ABCA13: variants seen among roughly 807,000 people sequenced by gnomAD.
ABCA13 encodes the protein ATP-binding cassette sub-family A member 13.
Under a neutral mutation model 478.7 loss-of-function variants are expected in ABCA13, and 476 were observed. The ratio of observed to expected loss-of-function variants is 0.99; its 90% CI spans 0.92 to 1.07. The LOEUF is 1.07. Ranked by LOEUF, ABCA13 falls within the 50% of genes least tolerant of loss-of-function variation. The probability of loss-of-function intolerance (pLI) is 0.00; values close to 1 mark genes in which losing one functional copy is unlikely to be tolerated. For missense variants in ABCA13, 6,060 were observed against 5,910.6 expected (o/e 1.03, Z -0.83); for synonymous variants, 2,252 against 2,158.9 (o/e 1.04, Z -1.20).
intron 59 of ABCA13, among the ~76,000 whole-genome samples, chr7:48,632,427 A>T (rs1794243873): frequency 6.6e-6 from 1 of 152,088 alleles, no homozygotes. Flanking sequence ...GATGATACTT[A>T]ATTAATCTTT....
chr7:48,231,920 C>T (rs1789151590), intron 7 of ABCA13, among the ~76,000 whole-genome samples: 1 of 152,084 alleles, frequency 6.6e-6, no homozygotes, highest in Non-Finnish European at 1.5e-5. Context: ...CCTCGGCCTC[C>T]CAAAGTGCTG....
intron 31 of ABCA13, among the ~76,000 whole-genome samples, chr7:48,353,991 A>T (rs1000256598): frequency 1.3e-5 from 2 of 152,024 alleles, no homozygotes; most frequent in East Asian, 1.9e-4. Flanking sequence ...CTCCTAAAGC[A>T]TGTTTCTTGG....
chr7:48,295,923 A>G, intron 21 of ABCA13, 60 bp downstream of exon 21: 4 of 1,507,058 alleles, frequency 2.7e-6, no homozygotes, highest in Non-Finnish European at 3.5e-6. Flanking sequence ...GAGGATGTCT[A>G]GGACTCTTTA....
intron 31 of ABCA13, among the ~76,000 whole-genome samples, chr7:48,353,831 G>C (rs80031271): frequency 6.6e-6 from 1 of 152,084 alleles, no homozygotes; most frequent in Admixed American, 6.5e-5. Flanking sequence ...GGAAGAAAGA[G>C]ACTAAGGCGA....
rs188932521 is a variant in ABCA13, at chr7:48,498,294, G to A, written c.13292-8042G>A. On this transcript the variant is annotated intron_variant, in intron 48 of 61. Transcript: ENST00000435803. ...TTCTTTTGTTAGACCACTCTTTTCC[G>A]GGTCCTTGGGTTTTTTATTTTTGGG... 5.6e-4 allele frequency among the ~76,000 whole-genome samples: 85 copies of A among 152,228 alleles called. 1 individual carries two copies. The highest frequency in any genetic ancestry group is 3.6e-3 in the Admixed American group (55 of 15,292).
intron 52 of ABCA13, 21 bp downstream of exon 52, chr7:48,516,902 A>C (rs1296408318): frequency 6.2e-7 from 1 of 1,609,700 alleles, no homozygotes; most frequent in Admixed American, 1.7e-5. Context: ...TTGTAGCATC[A>C]CCTCTACACT....
intron 48 of ABCA13, among the ~76,000 whole-genome samples, chr7:48,504,404 G>T (rs1480360650): frequency 3.9e-5 from 6 of 152,158 alleles, no homozygotes; most frequent in Non-Finnish European, 2.9e-5. Flanking sequence ...GGCACTGCGA[G>T]GATGGAGTTC....
intron 57 of ABCA13, among the ~76,000 whole-genome samples, chr7:48,589,567 T>G (rs1020217094): frequency 2.6e-5 from 4 of 152,222 alleles, no homozygotes; most frequent in Admixed American, 2.6e-4. Context: ...CCCCTGTATG[T>G]GATGAGAACA....
At position 48,272,909 on chromosome 7, in the gene ABCA13, A is replaced by G. The variant is rs1795812374; in HGVS notation, c.3243A>G (p.Gln1081=). 4 of 1,612,004 alleles carry G rather than the reference A, an allele frequency of 2.5e-6. No individual in the cohort carries two copies. The highest frequency in any genetic ancestry group is 2.2e-5 in the East Asian group (1 of 44,830). Residue 1081 remains glutamine (Q), a synonymous_variant, in exon 17 of 62, where the codon CAA becomes CAG. Coordinates refer to ENST00000435803, the MANE Select transcript of ABCA13 (RefSeq NM_152701.5). ...AAGATTTTCGTATTTCTTTATTTCA[A>G]TATATGAGCCAATTCTTCAACAGTT... is the stretch of plus-strand genomic sequence containing the variant. ...IDEDFRISLF[Q]YMSQFFNSSV... is the part of the protein sequence containing the mutation.
At chr7:48,501,999 G>A (rs779998171) in intron 48 of ABCA13, among the ~76,000 whole-genome samples, 1 of 152,172 alleles carries the variant, frequency 6.6e-6, no homozygotes, top group Non-Finnish European at 1.5e-5. Flanking sequence ...ACAAGGGCCT[G>A]TCCAAGCTAG....
chr7:48,555,676 C>G (rs1037441356), intron 55 of ABCA13, among the ~76,000 whole-genome samples: 2 of 151,656 alleles, frequency 1.3e-5, no homozygotes, highest in African/African-American at 4.8e-5. Context: ...CCTTTTTCAT[C>G]TCTGATTTTA....
At chr7:48,408,140 T>C (rs964159483) in intron 39 of ABCA13, among the ~76,000 whole-genome samples, 4 of 152,250 alleles carry the variant, frequency 2.6e-5, no homozygotes, top group African/African-American at 9.6e-5. Flanking sequence ...TATTACTAAC[T>C]GTAGTCACCA....
chr7:48,342,257 A>G, intron 29 of ABCA13, among the ~76,000 whole-genome samples: 1 of 152,082 alleles, frequency 6.6e-6, no homozygotes, highest in African/African-American at 2.4e-5. Flanking sequence ...ACACAGGGTC[A>G]GTTTTGGTTC....
rs192244828 is a variant in ABCA13 at position 48,335,419 on chromosome 7, C to T, written c.10000-3C>T. On this transcript the variant is annotated splice_polypyrimidine_tract_variant and splice_region_variant and intron_variant, in intron 27 of 61. Transcript: ENST00000435803. ...ACATATCCAAATATGCTTCATTTTG[C>T]AGGCTAATTACACCTTTTATATTGT... 2,309 of 1,582,216 alleles carry T rather than the reference C, an allele frequency of 1.5e-3. 7 individuals carry two copies. The highest frequency in any genetic ancestry group is 1.8e-3 in the Non-Finnish European group (2,070 of 1,157,278).
rs1246135543 is a variant in ABCA13 at position 48,352,336 on chromosome 7, C to G, written c.10537C>G (p.Leu3513Val). 58 of 1,613,696 alleles carry G rather than the reference C, an allele frequency of 3.6e-5. No homozygotes were observed. The highest frequency in any genetic ancestry group is 4.9e-5 in the Non-Finnish European group (58 of 1,179,892). ...NPSWKFHPQN[L>V]PADGFKYNYV... ...TTCTTGGAAGTTCCACCCTCAGAAT[C>G]TACCAGCTGATGGGTTCAAATATAA... is the stretch of plus-strand genomic sequence containing the variant. Residue 3513 changes from leucine to valine, a missense_variant, in exon 31 of 62, where the codon CTA becomes GTA. This residue lies in a region of ABCA13 where 4,423 missense variants were observed against 4,309.1 expected (regional missense o/e 1.03). Coordinates refer to ENST00000435803, the MANE Select transcript of ABCA13 (RefSeq NM_152701.5).
chr7:48,372,435 C>G lies in ABCA13; in HGVS notation c.11071C>G (p.Leu3691Val). ...CTSLVYMISF[L>V]PYIVLLVLHN... ...CAGCCTGGTGTACATGATCAGCTTT[C>G]TGCCCTACATAGTTCTATTGGTTCT... The change falls in exon 33 of 62, where the codon CTG becomes GTG. Residue 3691 changes from leucine (L) to valine (V), a missense_variant. Physicochemically the swap from Leu to Val is conservative, Grantham distance 32 (BLOSUM62 1). This residue lies in a region of ABCA13 where 4,423 missense variants were observed against 4,309.1 expected (regional missense o/e 1.03). Transcript: ENST00000435803. The G allele has an allele frequency of 6.2e-7, 1 of 1,613,154 alleles. No individual in the cohort carries two copies. The highest frequency in any genetic ancestry group is 8.5e-7 in the Non-Finnish European group (1 of 1,179,804).
At chr7:48,403,908 C>G (rs1817934509) in intron 39 of ABCA13, 29 bp downstream of exon 39, 2 of 1,597,366 alleles carry the variant, frequency 1.3e-6, no homozygotes, top group Non-Finnish European at 1.7e-6. Context: ...TCTGCCTTCT[C>G]TTCCCACAAT....
rs186951409 is a variant in ABCA13 at position 48,187,349 on chromosome 7, C to T, written c.70-5610C>T. Among the ~76,000 whole-genome samples, 176 of 150,606 alleles carry T rather than the reference C, an allele frequency of 1.2e-3. 1 individual carries two copies. Among genetic ancestry groups the T allele is most frequent in the Non-Finnish European group, 2.1e-3 (139 of 67,618 alleles). On this transcript the variant is annotated intron_variant, in intron 1 of 61. Coordinates refer to ENST00000435803, the MANE Select transcript of ABCA13 (RefSeq NM_152701.5). ...GTTCAGTAGCTTGAAGTTTAATGGCCGTAGTTTAACTACAGCTTATTTTAT... is the reference window on the plus strand; with the variant it reads ...GTTCAGTAGCTTGAAGTTTAATGGCTGTAGTTTAACTACAGCTTATTTTAT...
intron 3 of ABCA13, among the ~76,000 whole-genome samples, chr7:48,200,869 C>T (rs1798587826): frequency 6.6e-6 from 1 of 152,164 alleles, no homozygotes. Context: ...TAAAAAATAC[C>T]TGAAAGCGGC....
Sources: allele counts gnomAD v4.1 joint callset (sites outside exome capture counted in the v4.1 genomes callset), GRCh38; gene constraint gnomAD v4.1.1; regional missense constraint gnomAD v4.1.1; transcripts MANE v1.5; gene names NCBI Gene and HGNC (gene_info 2026-07-23, HGNC 2026-07-21).